Variants in MICU1 observed in about 807,000 individuals in gnomAD.
MICU1 encodes the protein mitochondrial calcium uptake 1.
A neutral mutation model predicts 56.8 loss-of-function variants in MICU1; 45 were observed. That is an observed-to-expected ratio of 0.79 (90% CI 0.62 to 1.02). The LOEUF is 1.02. Ranked by LOEUF, MICU1 falls within the 50% of genes least tolerant of loss-of-function variation. MICU1 has a pLI of 0.00. For synonymous variants in MICU1, 186 were observed against 195.1 expected (o/e 0.95, Z 0.39); for missense variants, 504 against 587.1 (o/e 0.86, Z 1.46).
chr10:72,375,936 G>T, intron 10 of MICU1, 64 bp from the exon 11 acceptor site: 3 of 1,450,282 alleles, frequency 2.1e-6, no homozygotes, highest in East Asian at 2.4e-5. Flanking sequence ...CTCTGATTCA[G>T]GGGATAAAAC....
At chr10:72,548,039 A>G (rs948582483) in intron 4 of MICU1, among the ~76,000 whole-genome samples, 11 of 152,228 alleles carry the variant, frequency 7.2e-5, no homozygotes, top group African/African-American at 2.4e-4. Flanking sequence ...TAATGCCTTT[A>G]TATCTCCAAA....
chr10:72,514,362 T>C (rs1403926360), intron 5 of MICU1, among the ~76,000 whole-genome samples: 1 of 152,050 alleles, frequency 6.6e-6, no homozygotes, highest in Non-Finnish European at 1.5e-5. Context: ...CTTTCTGTGA[T>C]TGGGCTGTAA....
intron 8 of MICU1, among the ~76,000 whole-genome samples, chr10:72,473,978 C>T (rs897530494): frequency 4.0e-5 from 6 of 151,656 alleles, no homozygotes; most frequent in South Asian, 2.1e-4. Flanking sequence ...AAAGAGAGGC[C>T]GGGTGCGGTG....
intron 11 of MICU1, among the ~76,000 whole-genome samples, chr10:72,369,869 C>T (rs868507213): frequency 4.6e-5 from 7 of 150,656 alleles, no homozygotes; most frequent in East Asian, 1.9e-4. Flanking sequence ...CCACCATGCC[C>T]GGCTAATTTT....
Position 72,605,950 on chromosome 10 carries a change from G to A in MICU1, c.-2+20060C>T, listed in dbSNP as rs1459386066. 7.2e-5 allele frequency among the ~76,000 whole-genome samples: 11 copies of A among 151,860 alleles called. No individual in the cohort carries two copies. In the East Asian group the frequency reaches 2.1e-3, roughly 29 times the overall value. On this transcript the variant is annotated intron_variant, in intron 1 of 11. Coordinates refer to ENST00000361114, the MANE Select transcript of MICU1 (RefSeq NM_001195518.2). ...GTTCAAGACCAGCCTGGTCAACATGGTGAAACCCTATCTCTACTAAAAATA... is the reference window on the plus strand; with the variant it reads ...GTTCAAGACCAGCCTGGTCAACATGATGAAACCCTATCTCTACTAAAAATA...
At chr10:72,508,339 T>A in intron 5 of MICU1, 70 bp from the exon 6 acceptor site, 1 of 599,914 alleles carries the variant, frequency 1.7e-6, no homozygotes. Flanking sequence ...TAGTAAGAGA[T>A]GAATCACCAT....
intron 8 of MICU1, among the ~76,000 whole-genome samples, chr10:72,459,160 A>T (rs1012922658): frequency 6.6e-6 from 1 of 151,994 alleles, no homozygotes; most frequent in Admixed American, 6.6e-5. Context: ...GTGAAACCCC[A>T]TCTCTACTAA....
intron 8 of MICU1, among the ~76,000 whole-genome samples, chr10:72,457,443 A>T (rs961524791): frequency 1.3e-5 from 2 of 150,694 alleles, no homozygotes; most frequent in Non-Finnish European, 3.0e-5. Context: ...CTGGTCTCGA[A>T]CTCTATAGAC....
At chr10:72,384,318 G>C (rs963893586) in intron 10 of MICU1, among the ~76,000 whole-genome samples, 9 of 152,160 alleles carry the variant, frequency 5.9e-5, no homozygotes, top group African/African-American at 2.2e-4. Context: ...TAAACCTTCC[G>C]AGGCTTCTCA....
chr10:72,439,152 T>TA (rs1037828413), intron 8 of MICU1, among the ~76,000 whole-genome samples: 7 of 152,166 alleles, frequency 4.6e-5, no homozygotes, highest in African/African-American at 1.7e-4. Flanking sequence ...AAATCCTCAA[T>TA]AAAATACTGG....
intron 8 of MICU1, among the ~76,000 whole-genome samples, chr10:72,465,302 G>GTT (rs1436089071): frequency 2.9e-5 from 3 of 102,474 alleles, no homozygotes; most frequent in Admixed American, 9.8e-5. Context: ...CCAGCCCATA[G>GTT]TTTTTTGTTT....
intron 3 of MICU1, among the ~76,000 whole-genome samples, chr10:72,560,789 G>A (rs938049863): frequency 1.3e-5 from 2 of 152,176 alleles, no homozygotes; most frequent in African/African-American, 4.8e-5. Flanking sequence ...AGAATCGTTT[G>A]AATCCAGGAG....
At chr10:72,618,399 C>T (rs1053039064) in intron 1 of MICU1, among the ~76,000 whole-genome samples, 6 of 152,134 alleles carry the variant, frequency 3.9e-5, no homozygotes, top group African/African-American at 1.4e-4. Context: ...GCCCCTAGCT[C>T]CCAATGGCAT....
At chr10:72,431,111 T>TCTATCTAC (rs1564863702) in intron 8 of MICU1, among the ~76,000 whole-genome samples, 5 of 151,312 alleles carry the variant, frequency 3.3e-5, no homozygotes, top group African/African-American at 1.2e-4. Flanking sequence ...TATCTATCTA[T>TCTATCTAC]CTATCTATCT....
At chr10:72,622,627 G>A (rs1300120910) in intron 1 of MICU1, among the ~76,000 whole-genome samples, 1 of 152,176 alleles carries the variant, frequency 6.6e-6, no homozygotes, top group Non-Finnish European at 1.5e-5. Flanking sequence ...CAGGGAATCT[G>A]ACTCCAAAGC....
chr10:72,384,214 T>C (rs1400172639), intron 10 of MICU1, among the ~76,000 whole-genome samples: 3 of 152,050 alleles, frequency 2.0e-5, no homozygotes, highest in Non-Finnish European at 4.4e-5. Context: ...AGGCTGGTCT[T>C]GAACTCCTGG....
chr10:72,595,475 A>G (rs1427418426), intron 1 of MICU1, among the ~76,000 whole-genome samples: 2 of 28,144 alleles, frequency 7.1e-5, no homozygotes, highest in Admixed American at 2.7e-4. Flanking sequence ...GAAAAAAAGA[A>G]AAAAAAAAAA....
In MICU1 at chr10:72,412,167, G is replaced by A. The variant is rs551279909; in HGVS notation, c.1072-4130C>T. 2.0e-5 allele frequency among the ~76,000 whole-genome samples: 3 copies of A among 152,166 alleles called. No homozygotes were observed. The South Asian group carries it at 6.2e-4, about 32-fold the overall frequency. ...TAACTACTATGGTAAAAATCCAGAG[G>A]GCTATTAGAAAAAAGCTAGAGTAAG... On this transcript the variant is annotated intron_variant, in intron 9 of 11. Transcript: ENST00000361114.
At chr10:72,435,838 G>A (rs1325309782) in intron 8 of MICU1, among the ~76,000 whole-genome samples, 3 of 152,268 alleles carry the variant, frequency 2.0e-5, no homozygotes, top group African/African-American at 7.2e-5. Context: ...GGCAGGGGGA[G>A]AGGTGTCCAC....
Sources: allele counts gnomAD v4.1 joint callset (sites outside exome capture counted in the v4.1 genomes callset), GRCh38; gene constraint gnomAD v4.1.1; transcripts MANE v1.5; gene names NCBI Gene and HGNC (gene_info 2026-07-23, HGNC 2026-07-21).